OLFM2: variants seen among roughly 807,000 people sequenced by gnomAD.
OLFM2 encodes the protein olfactomedin 2, also known as noelin-2.
OLFM2 carries 20 observed loss-of-function variants against 43.9 expected under a neutral mutation model. The ratio of observed to expected loss-of-function variants is 0.46; its 90% confidence interval spans 0.32 to 0.66. OLFM2 has a LOEUF of 0.66. Ranked by LOEUF, OLFM2 falls within the 30% of genes least tolerant of loss-of-function variation. The pLI is 0.04. For synonymous variants in OLFM2, 268 were observed against 278.6 expected, an observed-to-expected ratio of 0.96 and a Z score of 0.38; for missense variants, 416 against 643.6, an observed-to-expected ratio of 0.65 and a Z score of 3.83.
At chr19:9,914,834 C>A (rs2046862342) in intron 1 of OLFM2, among the ~76,000 whole-genome samples, 1 of 152,062 alleles carries the variant, frequency 6.6e-6, no homozygotes, top group Non-Finnish European at 1.5e-5. Context: ...CTCCTGGCGT[C>A]CCCGCATCAC....
At chr19:9,865,997 C>T (rs183790696) in intron 1 of OLFM2, among the ~76,000 whole-genome samples, 1 of 152,028 alleles carries the variant, frequency 6.6e-6, no homozygotes, top group Non-Finnish European at 1.5e-5. Flanking sequence ...CTAGCGTGTC[C>T]GTTGAAGCAA....
rs573768835 is a variant in OLFM2 at position 9,853,798 on chromosome 19, A to C, written c.*388T>G. 2.1e-4 allele frequency: 37 copies of C among 174,698 alleles called. No homozygotes were observed. The highest frequency in any genetic ancestry group is 2.5e-3 in the Middle Eastern group (1 of 398). The allele number at this position is 174,698 out of a possible 1,614,324, so 10.8% of individuals were successfully genotyped here. ...AAAAAAGAAACAGATCCATGCACTC[A>C]ACTCCTGGGGGTGGGGGTGGGGGTG... On this transcript the variant is annotated 3_prime_UTR_variant, in exon 6 of 6. Transcript: ENST00000264833.
At chr19:9,864,192 C>T (rs1446662211) in intron 1 of OLFM2, among the ~76,000 whole-genome samples, 1 of 152,246 alleles carries the variant, frequency 6.6e-6, no homozygotes, top group East Asian at 1.9e-4. Context: ...TGGGAAAGAA[C>T]TCGAAGGTGT....
chr19:9,859,410 G>A (rs1330637637), intron 2 of OLFM2, among the ~76,000 whole-genome samples: 4 of 152,078 alleles, frequency 2.6e-5, no homozygotes, highest in Non-Finnish European at 5.9e-5. Context: ...TCCACCTCCC[G>A]GGTTCAAGCA....
intron 1 of OLFM2, among the ~76,000 whole-genome samples, chr19:9,878,381 C>CTTTT (rs34231833): frequency 5.9e-4 from 34 of 57,664 alleles, no homozygotes; most frequent in African/African-American, 9.5e-4. Flanking sequence ...TCATTTCTCT[C>CTTTT]TTTTTTTTTT....
chr19:9,875,758 C>T (rs921707853), intron 1 of OLFM2, among the ~76,000 whole-genome samples: 1 of 151,988 alleles, frequency 6.6e-6, no homozygotes, highest in Non-Finnish European at 1.5e-5. Context: ...CCTCCCACCT[C>T]GGCCTCCCCA....
rs71188854 is a variant in OLFM2 at position 9,896,091 on chromosome 19, ATTTT to A, written c.64-35301_64-35298del. Among the ~76,000 whole-genome samples, 912 of 95,732 alleles carry A rather than the reference ATTTT, an allele frequency of 9.5e-3. 7 individuals carry two copies. Among genetic ancestry groups the A allele is most frequent in the African/African-American group, 0.029 (738 of 25,034 alleles). The allele number at this position is 95,732 out of a possible 152,430, so 62.8% of individuals were successfully genotyped here. Reference sequence around the variant, plus strand: ...CCCAGGCCTTCTTTACTTTATTTTAATTTTTTTTTTTTTTTTTTTTTTTGAGACG... The same window carrying A: ...CCCAGGCCTTCTTTACTTTATTTTAATTTTTTTTTTTTTTTTTTTGAGACG... On this transcript the variant is annotated intron_variant, in intron 1 of 5. Coordinates refer to ENST00000264833, the MANE Select transcript of OLFM2 (RefSeq NM_058164.4).
chr19:9,900,187 A>C (rs1400852808), intron 1 of OLFM2, among the ~76,000 whole-genome samples: 2 of 151,654 alleles, frequency 1.3e-5, no homozygotes, highest in African/African-American at 4.8e-5. Flanking sequence ...ACTCCCACCC[A>C]CCCCATGGCC....
At chr19:9,865,834 A>AC (rs1195425987) in intron 1 of OLFM2, among the ~76,000 whole-genome samples, 3 of 149,674 alleles carry the variant, frequency 2.0e-5, no homozygotes, top group Middle Eastern at 3.5e-3. Flanking sequence ...AAAAAAAAAA[A>AC]ACAAAGAAAA....
At chr19:9,920,105 C>T (rs976947332) in intron 1 of OLFM2, among the ~76,000 whole-genome samples, 83 of 152,122 alleles carry the variant, frequency 5.5e-4, no homozygotes, top group African/African-American at 2.0e-3. Flanking sequence ...CACCTGGCCC[C>T]TCCCCACCAA....
chr19:9,860,601 G>C (rs773585011), intron 2 of OLFM2, 44 bp downstream of exon 2: 1 of 1,552,100 alleles, frequency 6.4e-7, no homozygotes, highest in Non-Finnish European at 8.7e-7. Flanking sequence ...GTGAGAACTG[G>C]GAGATTTTCC....
intron 1 of OLFM2, among the ~76,000 whole-genome samples, chr19:9,871,488 G>A (rs1342998106): frequency 1.3e-5 from 2 of 148,382 alleles, no homozygotes; most frequent in Admixed American, 6.8e-5. Flanking sequence ...CAGGAGACTC[G>A]CTTGAACCCT....
chr19:9,880,053 A>G (rs150211563), intron 1 of OLFM2, among the ~76,000 whole-genome samples: 5,573 of 152,228 alleles, frequency 0.037, 147 homozygotes, highest in Non-Finnish European at 0.057. Flanking sequence ...CTGGGGTTAC[A>G]GGCATAAGCC....
At chr19:9,924,502 T>C (rs934986138) in intron 1 of OLFM2, among the ~76,000 whole-genome samples, 18 of 151,684 alleles carry the variant, frequency 1.2e-4, no homozygotes, top group Non-Finnish European at 1.6e-4. Flanking sequence ...GAAGCCATCC[T>C]TCCGCCTTGG....
At chr19:9,890,203 G>T (rs2046626190) in intron 1 of OLFM2, among the ~76,000 whole-genome samples, 1 of 152,208 alleles carries the variant, frequency 6.6e-6, no homozygotes, top group South Asian at 2.1e-4. Context: ...TTCTTCCCCA[G>T]TGTCTGTGGA....
chr19:9,919,521 C>T (rs555671972), intron 1 of OLFM2, among the ~76,000 whole-genome samples: 1 of 152,016 alleles, frequency 6.6e-6, no homozygotes, highest in East Asian at 1.9e-4. Flanking sequence ...CTCGCTCTGT[C>T]ACTCAGGCTG....
intron 1 of OLFM2, among the ~76,000 whole-genome samples, chr19:9,933,881 C>G (rs967036155): frequency 6.6e-6 from 1 of 152,136 alleles, no homozygotes; most frequent in Non-Finnish European, 1.5e-5. Context: ...TATACTTTAT[C>G]TGTTATTCTT....
intron 1 of OLFM2, among the ~76,000 whole-genome samples, chr19:9,915,761 G>A (rs1412047520): frequency 6.6e-6 from 1 of 151,600 alleles, no homozygotes; most frequent in Non-Finnish European, 1.5e-5. Context: ...TTCGTGATCT[G>A]CCCACCTCGG....
At chr19:9,866,707 C>T (rs2046404658) in intron 1 of OLFM2, among the ~76,000 whole-genome samples, 1 of 151,842 alleles carries the variant, frequency 6.6e-6, no homozygotes, top group South Asian at 2.1e-4. Flanking sequence ...ATTTCCTAGG[C>T]CGATCTTGAA....
Sources: gnomAD v4.1 joint callset for allele counts (sites outside exome capture counted in the v4.1 genomes callset) on GRCh38, gnomAD v4.1.1 for gene constraint, MANE v1.5 for transcripts, NCBI Gene and HGNC (gene_info 2026-07-23, HGNC 2026-07-21) for gene names.